Variants in TXNDC11 observed in about 807,000 individuals in gnomAD.
The protein encoded by TXNDC11 is thioredoxin domain-containing protein 11.
Under a neutral mutation model 78.0 loss-of-function variants are expected in TXNDC11, and 68 were observed. The observed-to-expected ratio is 0.87, with a 90% CI of 0.72 to 1.07. The LOEUF is 1.07. Among genes scored for constraint, TXNDC11 ranks in the 50% least tolerant of loss-of-function variants. The pLI, the probability that TXNDC11 is intolerant of heterozygous loss-of-function variation, is 0.00. For missense variants in TXNDC11, 1,389 were observed against 1,221.8 expected, an observed-to-expected ratio of 1.14 and a Z score of -2.04; for synonymous variants, 571 against 495.2, an observed-to-expected ratio of 1.15 and a Z score of -2.03.
At chr16:11,706,888 T>A (rs995206040) in intron 5 of TXNDC11, among the ~76,000 whole-genome samples, 2 of 152,160 alleles carry the variant, frequency 1.3e-5, no homozygotes, top group African/African-American at 4.8e-5. Context: ...ACTGCGTGGG[T>A]CCACTTACAT....
chr16:11,699,203 T>C (rs186215465), intron 6 of TXNDC11, among the ~76,000 whole-genome samples: 2 of 152,188 alleles, frequency 1.3e-5, no homozygotes, highest in Non-Finnish European at 2.9e-5. Context: ...GGAATTCTAC[T>C]GCTACACAAA....
intron 4 of TXNDC11, among the ~76,000 whole-genome samples, chr16:11,730,137 G>C (rs912231298): frequency 1.3e-5 from 2 of 152,184 alleles, no homozygotes; most frequent in African/African-American, 4.8e-5. Flanking sequence ...GTTGGCAGTG[G>C]GGAAGCAGGA....
chr16:11,702,253 A>G (rs2051052613), intron 5 of TXNDC11, among the ~76,000 whole-genome samples: 1 of 152,128 alleles, frequency 6.6e-6, no homozygotes. Flanking sequence ...TTCATGGAGT[A>G]TAATATTTGT....
chr16:11,733,418 T>C (rs954452809), intron 3 of TXNDC11, among the ~76,000 whole-genome samples: 2 of 151,848 alleles, frequency 1.3e-5, no homozygotes, highest in Non-Finnish European at 2.9e-5. Context: ...TCCCAACTAC[T>C]TGGGAGGCTG....
chr16:11,719,351 C>G (rs374921774), intron 5 of TXNDC11, among the ~76,000 whole-genome samples: 3 of 152,170 alleles, frequency 2.0e-5, no homozygotes, highest in African/African-American at 7.2e-5. Flanking sequence ...TTCCAAAGTT[C>G]AAACTTCCAT....
rs2050610877 is a variant in TXNDC11 at position 11,687,952 on chromosome 16, G to C, written c.2058C>G (p.Leu686=). The C allele has an allele frequency of 4.3e-6, 7 of 1,613,454 alleles. No individual in the cohort carries two copies. The highest frequency in any genetic ancestry group is 5.9e-6 in the Non-Finnish European group (7 of 1,179,514). ...AGAAGCCGCACCACGGAGCGTAATAGAGCAGGAGAACGTCCTGTGGGAAAG... is the reference window on the plus strand; with the variant it reads ...AGAAGCCGCACCACGGAGCGTAATACAGCAGGAGAACGTCCTGTGGGAAAG... ...VVLQKQDVLL[L]YYAPWCGFCP... is the part of the protein sequence containing the mutation. The change falls in exon 10 of 12, where the codon CTC becomes CTG. Residue 686 remains leucine, a synonymous_variant. Transcript: ENST00000283033.
intron 5 of TXNDC11, among the ~76,000 whole-genome samples, chr16:11,718,551 A>G (rs1202722281): frequency 1.3e-5 from 2 of 152,104 alleles, no homozygotes; most frequent in Admixed American, 6.6e-5. Context: ...TGTTAATAAT[A>G]AGGAAAACAC....
intron 7 of TXNDC11, among the ~76,000 whole-genome samples, chr16:11,694,296 G>T (rs539528609): frequency 1.3e-5 from 2 of 151,364 alleles, no homozygotes; most frequent in African/African-American, 4.9e-5. Context: ...TTTTTATTTC[G>T]CCTGGTTAAT....
chr16:11,681,067 G>A (rs1216233674), intron 11 of TXNDC11, among the ~76,000 whole-genome samples: 2 of 152,176 alleles, frequency 1.3e-5, no homozygotes, highest in African/African-American at 2.4e-5. Context: ...AGCTACTTAG[G>A]AGCCTGAGGT....
intron 5 of TXNDC11, among the ~76,000 whole-genome samples, chr16:11,714,317 C>A (rs973940148): frequency 1.9e-4 from 29 of 152,332 alleles, no homozygotes; most frequent in Admixed American, 1.8e-3. Flanking sequence ...AGCCACCGTG[C>A]CCCGCCAAGA....
intron 8 of TXNDC11, chr16:11,690,608 A>T (rs2050687859): frequency 6.6e-6 from 1 of 152,282 alleles, no homozygotes; most frequent in African/African-American, 2.4e-5. Context: ...GCTGGAGTGC[A>T]GGGGCGCGAT....
intron 5 of TXNDC11, among the ~76,000 whole-genome samples, chr16:11,703,190 T>C (rs2051082218): frequency 6.6e-6 from 1 of 152,102 alleles, no homozygotes; most frequent in Non-Finnish European, 1.5e-5. Flanking sequence ...GGTAACACCA[T>C]GGTGAATGGG....
chr16:11,714,378 C>G (rs917655958), intron 5 of TXNDC11, among the ~76,000 whole-genome samples: 21 of 152,144 alleles, frequency 1.4e-4, no homozygotes, highest in African/African-American at 4.6e-4. Flanking sequence ...CGTTGGCTCA[C>G]GCCTGTAACT....
intron 7 of TXNDC11, among the ~76,000 whole-genome samples, chr16:11,697,225 C>T (rs1008002009): frequency 6.6e-6 from 1 of 152,222 alleles, no homozygotes; most frequent in African/African-American, 2.4e-5. Context: ...GACTCCAGCA[C>T]AGCAAAGGGA....
In TXNDC11 at chr16:11,737,563, C is replaced by T. The variant is rs1036865931; in HGVS notation, c.255-1330G>A. 4.0e-5 allele frequency among the ~76,000 whole-genome samples: 6 copies of T among 151,562 alleles called. No individual in the cohort carries two copies. The South Asian group carries it at 1.0e-3, about 26-fold the overall frequency. On this transcript the variant is annotated intron_variant, in intron 1 of 11. Transcript: ENST00000283033. ...TTAAACCCAACTACCTCAACAATTA[C>T]GTTAAATATAAAAGGAGAGGCCGGG... is the stretch of plus-strand genomic sequence containing the variant.
At chr16:11,736,903 C>T (rs1225892144) in intron 1 of TXNDC11, among the ~76,000 whole-genome samples, 5 of 152,022 alleles carry the variant, frequency 3.3e-5, no homozygotes, top group Admixed American at 1.3e-4. Flanking sequence ...AAGAAAAGAA[C>T]GCTGAACAAA....
At chr16:11,731,843 A>C (rs1172183494) in intron 3 of TXNDC11, among the ~76,000 whole-genome samples, 1 of 152,172 alleles carries the variant, frequency 6.6e-6, no homozygotes, top group East Asian at 1.9e-4. Context: ...AATTCTACCA[A>C]ATCAAGACTT....
At chr16:11,711,542 T>C (rs1301652696) in intron 5 of TXNDC11, among the ~76,000 whole-genome samples, 7 of 152,210 alleles carry the variant, frequency 4.6e-5, no homozygotes, top group African/African-American at 1.7e-4. Context: ...ACTGTCCATC[T>C]CACATTACAC....
Position 11,679,943 on chromosome 16 carries a change from A to T in TXNDC11, c.2235-106T>A. ...GCCATCTACTTCTCACCAAGAAAAG[A>T]CGTTCCGTGGATTTTACTTACTGAA... is the stretch of plus-strand genomic sequence containing the variant. On this transcript the variant is annotated intron_variant, in intron 11 of 11. Transcript: ENST00000283033. This position sits in a 1 kb window ranked among gnomAD's most constrained non-coding sequence, Gnocchi z 4.6. The T allele has an allele frequency of 9.9e-7, 1 of 1,006,282 alleles. No homozygotes were observed. Among genetic ancestry groups the T allele is most frequent in the Non-Finnish European group, 1.5e-6 (1 of 682,326 alleles). 62.3% of individuals were successfully genotyped at this position (1,006,282 alleles called of 1,614,324 possible). A position where few individuals can be genotyped will look rare whatever the true frequency, so the allele number is the denominator to read the frequency against.
Sources: gnomAD v4.1 joint callset for allele counts (sites outside exome capture counted in the v4.1 genomes callset) on GRCh38, gnomAD v4.1.1 for gene constraint, Gnocchi (gnomAD v3.1) non-coding constraint, MANE v1.5 for transcripts, NCBI Gene and HGNC (gene_info 2026-07-23, HGNC 2026-07-21) for gene names.